The following CD47 variants were observed in gnomAD, a reference collection of about 807,000 sequenced individuals.
CD47 encodes the protein leukocyte surface antigen CD47.
Under a neutral mutation model 44.6 loss-of-function variants are expected in CD47, and 11 were observed. That is an observed-to-expected ratio of 0.25 (90% CI 0.16 to 0.41). CD47 has a LOEUF of 0.41. Ranked by LOEUF, CD47 falls within the 10% of genes least tolerant of loss-of-function variation. The pLI is 1.00. For missense variants in CD47, 306 were observed against 386.7 expected (o/e 0.79, Z 1.75); for synonymous variants, 140 against 136.3 (o/e 1.03, Z -0.19).
At chr3:108,073,430 G>A (rs2079247623) in intron 2 of CD47, among the ~76,000 whole-genome samples, 1 of 152,158 alleles carries the variant, frequency 6.6e-6, no homozygotes, top group African/African-American at 2.4e-5. Context: ...ACAATGCAGA[G>A]GACCCTGAGT....
intron 2 of CD47, 121 bp downstream of exon 2, chr3:108,079,870 T>C (rs755518248): frequency 1.6e-6 from 1 of 629,902 alleles, no homozygotes; most frequent in Non-Finnish European, 2.9e-6. Flanking sequence ...TACATCAACA[T>C]TTATTAATAA....
In CD47 at chr3:108,045,252, T is replaced by C. The variant is rs1217228777; in HGVS notation, c.*2036A>G. 1 of 152,640 alleles carries C rather than the reference T, an allele frequency of 6.6e-6. No individual in the cohort carries two copies. Among genetic ancestry groups the C allele is most frequent in the East Asian group, 1.9e-4 (1 of 5,204 alleles). The allele number at this position is 152,640 out of a possible 1,614,324, so 9.5% of individuals were successfully genotyped here. A position where few individuals can be genotyped will look rare whatever the true frequency, so the allele number is the denominator to read the frequency against. Reference sequence around the variant, plus strand: ...TTTACTACATATTAAAAGGTACAACTTTAGTTTATAAAAAATTTTACTATA... The same window carrying C: ...TTTACTACATATTAAAAGGTACAACCTTAGTTTATAAAAAATTTTACTATA... On this transcript the variant is annotated 3_prime_UTR_variant, in exon 11 of 11. Transcript: ENST00000361309.
intron 2 of CD47, among the ~76,000 whole-genome samples, chr3:108,076,608 A>G (rs964601375): frequency 1.2e-4 from 18 of 152,278 alleles, no homozygotes; most frequent in South Asian, 8.3e-4. Flanking sequence ...TATTTGTTAA[A>G]TGGTAAGAAC....
chr3:108,068,353 C>A (rs2079139561), intron 3 of CD47, among the ~76,000 whole-genome samples: 2 of 152,080 alleles, frequency 1.3e-5, no homozygotes, highest in South Asian at 4.1e-4. Context: ...AAAACCAGGG[C>A]AATATGCACA....
intron 10 of CD47, among the ~76,000 whole-genome samples, chr3:108,048,752 A>C (rs555231401): frequency 6.6e-6 from 1 of 152,318 alleles, no homozygotes; most frequent in Admixed American, 6.5e-5. Context: ...CCTGAGTTAA[A>C]TGCTGCACTT....
At chr3:108,086,105 G>A (rs775865134) in intron 1 of CD47, among the ~76,000 whole-genome samples, 2 of 152,036 alleles carry the variant, frequency 1.3e-5, no homozygotes, top group Non-Finnish European at 2.9e-5. Context: ...AGAAAGTGAA[G>A]AACTGAAAGC....
chr3:108,065,789 G>T (rs1352615077), intron 3 of CD47, among the ~76,000 whole-genome samples: 1 of 125,066 alleles, frequency 8.0e-6, no homozygotes, highest in African/African-American at 3.1e-5. Flanking sequence ...TCCAGCCTGG[G>T]CAACAGAGCG....
At chr3:108,049,924 C>A (rs1451261227) in intron 9 of CD47, among the ~76,000 whole-genome samples, 1 of 152,102 alleles carries the variant, frequency 6.6e-6, no homozygotes, top group Non-Finnish European at 1.5e-5. Flanking sequence ...CTGTATCTTT[C>A]TAAAATGTGT....
chr3:108,054,872 C>A (rs575791156), intron 7 of CD47: 2 of 152,052 alleles, frequency 1.3e-5, no homozygotes, highest in African/African-American at 4.8e-5. Flanking sequence ...ACACTATATG[C>A]CCTTATATTG....
rs142080693 is a variant in CD47, at chr3:108,072,583, T to C, written c.401-1401A>G. On this transcript the variant is annotated intron_variant, in intron 2 of 10. Transcript: ENST00000361309. ...AATGGAAGACTTTTTTTTATGCTTC[T>C]TTGGTTGTGGATCTCTACTGAGAGA... Among the ~76,000 whole-genome samples, 534 of 152,314 alleles carry C rather than the reference T, an allele frequency of 3.5e-3. 6 individuals carry two copies. The highest frequency in any genetic ancestry group is 0.012 in the African/African-American group (512 of 41,564).
Position 108,044,461 on chromosome 3 carries a change from CAGAA to C in CD47, c.*2823_*2826del, listed in dbSNP as rs1311673201. On this transcript the variant is annotated 3_prime_UTR_variant, in exon 11 of 11. Coordinates refer to ENST00000361309, the MANE Select transcript of CD47 (RefSeq NM_001777.4). Reference sequence around the variant, plus strand: ...AAAAAAAAAAAACAAAAAAAAAAAACAGAAAGAAAGAAAACTCTCAAGCTCACCC... The same window carrying C: ...AAAAAAAAAAAACAAAAAAAAAAAACAGAAAGAAAACTCTCAAGCTCACCC... 1 of 93,648 alleles carries C rather than the reference CAGAA, an allele frequency of 1.1e-5. No homozygotes were observed. The allele number at this position is 93,648 out of a possible 1,614,324, so 5.8% of individuals were successfully genotyped here. A position where few individuals can be genotyped will look rare whatever the true frequency, so the allele number is the denominator to read the frequency against.
In CD47 at chr3:108,047,263, A is replaced by G. The variant is rs960689053; in HGVS notation, c.*25T>C. 1 of 1,597,616 alleles carries G rather than the reference A, an allele frequency of 6.3e-7. No homozygotes were observed. Among genetic ancestry groups the G allele is most frequent in the African/African-American group, 1.3e-5 (1 of 74,616 alleles). ...CCTTTCACGTCTTACTACTCTCCAA[A>G]TCGGAGTCCATCACTTCACTTCAGT... On this transcript the variant is annotated 3_prime_UTR_variant, in exon 11 of 11. Coordinates refer to ENST00000361309, the MANE Select transcript of CD47 (RefSeq NM_001777.4).
chr3:108,053,067 G>A (rs971982153), intron 7 of CD47: 2 of 152,348 alleles, frequency 1.3e-5, no homozygotes, highest in African/African-American at 4.8e-5. Context: ...CTCAGCAGGA[G>A]GGGGATCCTA....
At chr3:108,051,160 A>G (rs1006995147) in intron 8 of CD47, among the ~76,000 whole-genome samples, 1 of 152,188 alleles carries the variant, frequency 6.6e-6, no homozygotes, top group African/African-American at 2.4e-5. Flanking sequence ...TTAGAAGCAT[A>G]TGTGACCTCT....
chr3:108,071,055 T>C (rs1262103682), intron 3 of CD47, 38 bp downstream of exon 3: 1 of 851,974 alleles, frequency 1.2e-6, no homozygotes, highest in South Asian at 1.7e-5. Context: ...AACTATATCA[T>C]CACTGAAACA....
chr3:108,078,993 C>T lies in CD47; in HGVS notation c.400+998G>A, dbSNP rs142122260. 2.8e-4 allele frequency among the ~76,000 whole-genome samples: 43 copies of T among 152,158 alleles called. No individual in the cohort carries two copies. In the East Asian group the frequency reaches 7.5e-3, roughly 27 times the overall value. ...TGAATAGTAAGTTGCTGAACAGGGGCTGTAACTCAGACCTCCTGATTCTCA... is the reference window on the plus strand; with the variant it reads ...TGAATAGTAAGTTGCTGAACAGGGGTTGTAACTCAGACCTCCTGATTCTCA... On this transcript the variant is annotated intron_variant, in intron 2 of 10. Coordinates refer to ENST00000361309, the MANE Select transcript of CD47 (RefSeq NM_001777.4).
intron 7 of CD47, 23 bp downstream of exon 7, chr3:108,057,454 T>G (rs753306924): frequency 1.9e-6 from 2 of 1,054,406 alleles, no homozygotes. Flanking sequence ...TGGCATAGGT[T>G]AATGAAAATA....
At position 108,047,259 on chromosome 3, in the gene CD47, C is replaced by T; in HGVS notation, c.*29G>A. 1 of 1,595,394 alleles carries T rather than the reference C, an allele frequency of 6.3e-7. No individual in the cohort carries two copies. Among genetic ancestry groups the T allele is most frequent in the Non-Finnish European group, 8.6e-7 (1 of 1,164,672 alleles). On this transcript the variant is annotated 3_prime_UTR_variant, in exon 11 of 11. Transcript: ENST00000361309. ...TATTCCTTTCACGTCTTACTACTCT[C>T]CAAATCGGAGTCCATCACTTCACTT...
intron 7 of CD47, among the ~76,000 whole-genome samples, chr3:108,055,982 T>A (rs776208608): frequency 2.0e-5 from 3 of 152,102 alleles, no homozygotes; most frequent in Non-Finnish European, 4.4e-5. Flanking sequence ...ACAACCCAGA[T>A]AGTGAGGAAA....
Sources: gnomAD v4.1 joint callset for allele counts (sites outside exome capture counted in the v4.1 genomes callset) on GRCh38, gnomAD v4.1.1 for gene constraint, MANE v1.5 for transcripts, NCBI Gene and HGNC (gene_info 2026-07-23, HGNC 2026-07-21) for gene names.